The following SHISA6 variants were observed in gnomAD, a reference collection of about 807,000 sequenced individuals.
SHISA6 encodes the protein protein shisa-6.
A neutral mutation model predicts 47.9 loss-of-function variants in SHISA6; 22 were observed. The observed-to-expected ratio is 0.46, with a 90% CI of 0.33 to 0.66. The LOEUF is 0.66. SHISA6 is among the 30% of genes least tolerant of loss of function. The probability of loss-of-function intolerance (pLI) is 0.02; values close to 1 mark genes in which losing one functional copy is unlikely to be tolerated. For missense variants in SHISA6, 680 were observed against 764.6 expected, an observed-to-expected ratio of 0.89 and a Z score of 1.30; for synonymous variants, 388 against 337.8, an observed-to-expected ratio of 1.15 and a Z score of -1.63.
At chr17:11,405,289 T>C (rs1913914266) in intron 3 of SHISA6, among the ~76,000 whole-genome samples, 1 of 152,130 alleles carries the variant, frequency 6.6e-6, no homozygotes, top group Non-Finnish European at 1.5e-5. Flanking sequence ...GCCCCTGAGA[T>C]GTAGCATTTC....
intron 1 of SHISA6, among the ~76,000 whole-genome samples, chr17:11,246,937 A>T (rs554191067): frequency 1.3e-5 from 2 of 152,208 alleles, no homozygotes; most frequent in East Asian, 3.9e-4. Flanking sequence ...CACTGTCTTC[A>T]TGTCCCTTCC....
rs187765144 is a variant in SHISA6, at chr17:11,404,718, C to G, written c.895+25209C>G. On this transcript the variant is annotated intron_variant, in intron 3 of 5. Coordinates refer to ENST00000441885, the MANE Select transcript of SHISA6 (RefSeq NM_207386.4). ...CTACACCCCCACGTACAGACGAGTG[C>G]AAGGAGATTTAAACTCCGCGCCTTG... 6.2e-3 allele frequency among the ~76,000 whole-genome samples: 941 copies of G among 152,322 alleles called. 22 individuals are homozygous for G. Among genetic ancestry groups the G allele is most frequent in the Non-Finnish European group, 4.4e-3 (302 of 68,038 alleles).
At chr17:11,535,877 G>A (rs1379024383) in intron 3 of SHISA6, among the ~76,000 whole-genome samples, 2 of 131,258 alleles carry the variant, frequency 1.5e-5, no homozygotes, top group African/African-American at 6.2e-5. Flanking sequence ...GTAGCTGATG[G>A]GAAAACAATG....
intron 3 of SHISA6, among the ~76,000 whole-genome samples, chr17:11,464,296 A>G (rs1279639170): frequency 2.0e-5 from 3 of 152,208 alleles, no homozygotes; most frequent in African/African-American, 7.2e-5. Context: ...TGGATTAACT[A>G]TAATTGTTTG....
At chr17:11,271,156 G>A (rs1274075682) in intron 2 of SHISA6, among the ~76,000 whole-genome samples, 4 of 152,034 alleles carry the variant, frequency 2.6e-5, no homozygotes, top group African/African-American at 4.8e-5. Flanking sequence ...AAGGGTGGGG[G>A]GAAATATGAA....
rs542423966 is a variant in SHISA6, at chr17:11,459,375, TCA to T, written c.895+79867_895+79868del. Among the ~76,000 whole-genome samples the T allele has an allele frequency of 2.1e-4, 32 of 152,298 alleles. No individual in the cohort carries two copies. In the South Asian group the frequency reaches 6.2e-3, roughly 30 times the overall value. On this transcript the variant is annotated intron_variant, in intron 3 of 5. Transcript: ENST00000441885. ...TAATATGCCCCTGCTATAGCATTGC[TCA>T]GAGTCTGCCCTGGATAATAAGGAGT...
At chr17:11,250,190 A>T (rs1327014291) in intron 1 of SHISA6, among the ~76,000 whole-genome samples, 1 of 152,164 alleles carries the variant, frequency 6.6e-6, no homozygotes, top group Non-Finnish European at 1.5e-5. Flanking sequence ...CTAGTTTGAT[A>T]CTGAGGGTAA....
At chr17:11,385,909 C>T (rs1402791394) in intron 3 of SHISA6, among the ~76,000 whole-genome samples, 3 of 151,824 alleles carry the variant, frequency 2.0e-5, no homozygotes, top group Non-Finnish European at 4.4e-5. Context: ...ATCCAGTGAG[C>T]TGAAGCGTGA....
At chr17:11,284,600 T>C (rs1296041657) in intron 2 of SHISA6, among the ~76,000 whole-genome samples, 1 of 152,172 alleles carries the variant, frequency 6.6e-6, no homozygotes, top group African/African-American at 2.4e-5. Context: ...TTTTCTTCTC[T>C]CTCTGTATGG....
intron 3 of SHISA6, among the ~76,000 whole-genome samples, chr17:11,407,996 C>T (rs1205941814): frequency 6.6e-6 from 1 of 152,110 alleles, no homozygotes; most frequent in Non-Finnish European, 1.5e-5. Context: ...TCATTTCTTC[C>T]CCGACACCAT....
intron 2 of SHISA6, among the ~76,000 whole-genome samples, chr17:11,311,734 C>T (rs1328710038): frequency 6.6e-6 from 1 of 151,982 alleles, no homozygotes; most frequent in African/African-American, 2.4e-5. Flanking sequence ...TTTCTTATTG[C>T]TAGAGATAGC....
At chr17:11,512,456 A>G (rs1349511823) in intron 3 of SHISA6, among the ~76,000 whole-genome samples, 2 of 152,190 alleles carry the variant, frequency 1.3e-5, no homozygotes, top group South Asian at 2.1e-4. Context: ...TAACTTGCAT[A>G]TATCACTTTG....
chr17:11,527,951 A>G (rs967864210), intron 3 of SHISA6, among the ~76,000 whole-genome samples: 5 of 152,174 alleles, frequency 3.3e-5, no homozygotes, highest in South Asian at 2.1e-4. Flanking sequence ...TCCAATTGCC[A>G]TATCTATCAA....
At chr17:11,357,618 C>A (rs577208627) in intron 2 of SHISA6, among the ~76,000 whole-genome samples, 1 of 152,332 alleles carries the variant, frequency 6.6e-6, no homozygotes, top group South Asian at 2.1e-4. Context: ...TGGCATTAAA[C>A]TGTTCTTCAA....
chr17:11,348,577 C>A (rs1911773291), intron 2 of SHISA6, among the ~76,000 whole-genome samples: 1 of 152,060 alleles, frequency 6.6e-6, no homozygotes, highest in South Asian at 2.1e-4. Flanking sequence ...CAATAGGCCT[C>A]CTCAATCTTG....
chr17:11,300,566 C>G (rs1167918075), intron 2 of SHISA6, among the ~76,000 whole-genome samples: 1 of 152,180 alleles, frequency 6.6e-6, no homozygotes, highest in Non-Finnish European at 1.5e-5. Flanking sequence ...TCCAAGACAC[C>G]CGTGGCACCA....
intron 2 of SHISA6, among the ~76,000 whole-genome samples, chr17:11,314,318 A>G (rs1910433729): frequency 6.6e-6 from 1 of 152,090 alleles, no homozygotes; most frequent in Non-Finnish European, 1.5e-5. Flanking sequence ...CACATTAGGA[A>G]GAGCTTCCCC....
At position 11,325,741 on chromosome 17, in the gene SHISA6, T is replaced by C. The variant is rs972961899; in HGVS notation, c.800-53673T>C. Among the ~76,000 whole-genome samples, 23 of 151,742 alleles carry C rather than the reference T, an allele frequency of 1.5e-4. No individual in the cohort carries two copies. The East Asian group carries it at 4.5e-3, about 29-fold the overall frequency. ...TGATGTCAAGAGACATTGATTTGGG[T>C]AGCTAAACTGGGAAAAATTACTTCC... is the stretch of plus-strand genomic sequence containing the variant. On this transcript the variant is annotated intron_variant, in intron 2 of 5. Transcript: ENST00000441885.
Position 11,545,451 on chromosome 17 carries a change from C to T in SHISA6, c.896-6445C>T, listed in dbSNP as rs1325356935. The stretch of plus-strand genomic sequence containing the variant: ...GCAACAAGAGGAATCCTTGTGTTGA[C>T]AGAAATGTTCTGTACATTGACTGTG... On this transcript the variant is annotated intron_variant, in intron 3 of 5. Coordinates refer to ENST00000441885, the MANE Select transcript of SHISA6 (RefSeq NM_207386.4). 3.3e-5 allele frequency among the ~76,000 whole-genome samples: 5 copies of T among 152,156 alleles called. No homozygotes were observed. The East Asian group carries it at 9.6e-4, about 29-fold the overall frequency.
Sources: allele counts gnomAD v4.1 joint callset (sites outside exome capture counted in the v4.1 genomes callset), GRCh38; gene constraint gnomAD v4.1.1; transcripts MANE v1.5; gene names NCBI Gene and HGNC (gene_info 2026-07-23, HGNC 2026-07-21).